Variants in TNS3 observed in about 807,000 individuals in gnomAD.
The protein encoded by TNS3 is tensin 3, also known as tensin-3.
Under a neutral mutation model 140.9 loss-of-function variants are expected in TNS3, and 45 were observed. That is an observed-to-expected ratio of 0.32 (90% CI 0.25 to 0.41). The LOEUF is 0.41. Ranked by LOEUF, TNS3 falls within the 10% of genes least tolerant of loss-of-function variation. TNS3 has a pLI of 1.00. For synonymous variants in TNS3, 815 were observed against 788.4 expected (o/e 1.03, Z -0.56); for missense variants, 1,716 against 1,906.7 (o/e 0.90, Z 1.86).
intron 4 of TNS3, among the ~76,000 whole-genome samples, chr7:47,469,216 A>G (rs1006067316): frequency 2.6e-5 from 4 of 152,258 alleles, no homozygotes; most frequent in Non-Finnish European, 5.9e-5. Context: ...AATAATTTCA[A>G]CAAAAACAAA....
chr7:47,464,975 A>AT (rs1238517735), intron 4 of TNS3, among the ~76,000 whole-genome samples: 1 of 152,212 alleles, frequency 6.6e-6, no homozygotes, highest in Admixed American at 6.5e-5. Context: ...TGCTCACTGG[A>AT]TGCCTGCGCC....
At chr7:47,559,890 C>T (rs893002556) in intron 1 of TNS3, among the ~76,000 whole-genome samples, 1 of 152,170 alleles carries the variant, frequency 6.6e-6, no homozygotes, top group African/African-American at 2.4e-5. Flanking sequence ...CCCTGATGAT[C>T]TGATGAAGCT....
rs767423475 is a variant in TNS3 at position 47,407,044 on chromosome 7, C to T, written c.723+4683G>A. On this transcript the variant is annotated intron_variant, in intron 13 of 30. Coordinates refer to ENST00000311160, the MANE Select transcript of TNS3 (RefSeq NM_022748.12). The surrounding 1 kb of genome is among the most constrained non-coding windows in gnomAD (Gnocchi z 4.1). The stretch of plus-strand genomic sequence containing the variant: ...ATGAACGGGAGGAGGGGATGGCTCC[C>T]GCTCCTCTCTAGGGATGCTTTGCCA... Among the ~76,000 whole-genome samples, 3 of 152,150 alleles carry T rather than the reference C, an allele frequency of 2.0e-5. No individual in the cohort carries two copies. Among genetic ancestry groups the T allele is most frequent in the African/African-American group, 4.8e-5 (2 of 41,432 alleles).
At chr7:47,397,554 T>G (rs1792907552) in intron 15 of TNS3, among the ~76,000 whole-genome samples, 1 of 152,224 alleles carries the variant, frequency 6.6e-6, no homozygotes, top group Non-Finnish European at 1.5e-5. Context: ...CCTACTATAC[T>G]TCTAATTCTC....
intron 20 of TNS3, among the ~76,000 whole-genome samples, chr7:47,310,071 G>C (rs1489466680): frequency 6.6e-6 from 1 of 152,192 alleles, no homozygotes; most frequent in African/African-American, 2.4e-5. Flanking sequence ...TAATCACACT[G>C]TTCTGGGGAG....
intron 11 of TNS3, among the ~76,000 whole-genome samples, chr7:47,414,759 G>C (rs937560808): frequency 2.0e-5 from 3 of 152,200 alleles, no homozygotes; most frequent in African/African-American, 7.2e-5. Flanking sequence ...TTCTTCCATG[G>C]CTTGTGACCT....
At position 47,297,224 on chromosome 7, in the gene TNS3, G is replaced by A. The variant is rs1394712738; in HGVS notation, c.3545-11C>T. The stretch of plus-strand genomic sequence containing the variant: ...TCAACATGGCGATGGCTGGAGAAAG[G>A]GAGGAGAAAGACAAGAAGGTCTGCC... On this transcript the variant is annotated splice_polypyrimidine_tract_variant and intron_variant, in intron 23 of 30. Coordinates refer to ENST00000311160, the MANE Select transcript of TNS3 (RefSeq NM_022748.12). 3 of 1,605,728 alleles carry A rather than the reference G, an allele frequency of 1.9e-6. No homozygotes were observed. Among genetic ancestry groups the A allele is most frequent in the South Asian group, 2.2e-5 (2 of 89,674 alleles).
At chr7:47,489,809 G>T (rs1363587968) in intron 3 of TNS3, among the ~76,000 whole-genome samples, 1 of 152,188 alleles carries the variant, frequency 6.6e-6, no homozygotes, top group African/African-American at 2.4e-5. Flanking sequence ...AAAGGGCACA[G>T]CACAGGATCG....
intron 20 of TNS3, among the ~76,000 whole-genome samples, chr7:47,320,575 C>A (rs888342578): frequency 6.6e-6 from 1 of 152,232 alleles, no homozygotes; most frequent in Non-Finnish European, 1.5e-5. Context: ...AGATGGCCAT[C>A]TTCTCCCTGT....
Position 47,284,197 on chromosome 7 carries a change from G to C in TNS3, c.3929-332C>G, listed in dbSNP as rs575776545. Among the ~76,000 whole-genome samples, 6 of 152,298 alleles carry C rather than the reference G, an allele frequency of 3.9e-5. No individual in the cohort carries two copies. In the South Asian group the frequency reaches 1.2e-3, roughly 32 times the overall value. On this transcript the variant is annotated intron_variant, in intron 27 of 30. Coordinates refer to ENST00000311160, the MANE Select transcript of TNS3 (RefSeq NM_022748.12). ...GCAGTATTAAACCCTCGTGTCCCAG[G>C]TGGAGCCCAAGGCACCTTCTCTGGT...
intron 23 of TNS3, among the ~76,000 whole-genome samples, chr7:47,299,294 C>T (rs568888775): frequency 3.6e-4 from 55 of 151,852 alleles, no homozygotes; most frequent in Non-Finnish European, 6.8e-4. Flanking sequence ...TACACCACCA[C>T]ACCCAGCTAA....
At chr7:47,553,592 T>C (rs1800116805) in intron 1 of TNS3, among the ~76,000 whole-genome samples, 1 of 152,226 alleles carries the variant, frequency 6.6e-6, no homozygotes, top group Non-Finnish European at 1.5e-5. Flanking sequence ...TGAGACTTAC[T>C]GTTGAGCTCA....
chr7:47,580,665 G>A (rs1784507560), intron 1 of TNS3, among the ~76,000 whole-genome samples: 1 of 145,390 alleles, frequency 6.9e-6, no homozygotes, highest in Non-Finnish European at 1.5e-5. Flanking sequence ...AATACTTGTT[G>A]ATTGATTTGC....
chr7:47,551,691 A>T (rs1284551001), intron 1 of TNS3, among the ~76,000 whole-genome samples: 1 of 152,246 alleles, frequency 6.6e-6, no homozygotes, highest in Non-Finnish European at 1.5e-5. Context: ...GTGTCCACAG[A>T]CAGGAGAGAA....
intron 4 of TNS3, among the ~76,000 whole-genome samples, chr7:47,455,020 G>C (rs1372933779): frequency 6.6e-6 from 1 of 152,162 alleles, no homozygotes; most frequent in Non-Finnish European, 1.5e-5. Flanking sequence ...CCCCTGCAGA[G>C]AGCCTGGAAA....
At chr7:47,346,137 G>C in intron 18 of TNS3, 50 bp downstream of exon 18, 1 of 1,599,792 alleles carries the variant, frequency 6.3e-7, no homozygotes, top group Non-Finnish European at 8.5e-7. Context: ...TCCAGGACAA[G>C]AAAGGGAGTG....
chr7:47,480,675 A>C (rs559951797), intron 4 of TNS3, among the ~76,000 whole-genome samples: 65 of 152,208 alleles, frequency 4.3e-4, no homozygotes, highest in South Asian at 1.9e-3. Flanking sequence ...ACACACACAC[A>C]CCCAGTATTT....
intron 4 of TNS3, among the ~76,000 whole-genome samples, chr7:47,446,815 C>T (rs184504525): frequency 6.9e-4 from 105 of 151,162 alleles, no homozygotes; most frequent in African/African-American, 2.5e-3. Flanking sequence ...ACCTCATCCT[C>T]TCAAGTAGCT....
At chr7:47,524,750 C>T (rs1374538106) in intron 2 of TNS3, among the ~76,000 whole-genome samples, 2 of 136,674 alleles carry the variant, frequency 1.5e-5, no homozygotes, top group African/African-American at 5.8e-5. Context: ...TGCAGTGAGC[C>T]GAGATCGCGC....
Sources: gnomAD v4.1 joint callset for allele counts (sites outside exome capture counted in the v4.1 genomes callset) on GRCh38, gnomAD v4.1.1 for gene constraint, Gnocchi (gnomAD v3.1) non-coding constraint, MANE v1.5 for transcripts, NCBI Gene and HGNC (gene_info 2026-07-23, HGNC 2026-07-21) for gene names.